EXT2: variants seen among roughly 807,000 people sequenced by gnomAD.
The protein encoded by EXT2 is exostosin-2.
In EXT2, 53 loss-of-function variants were observed where a neutral mutation model predicts 81.6. The ratio of observed to expected loss-of-function variants is 0.65; its 90% CI spans 0.52 to 0.82. The LOEUF is 0.82. Ranked by LOEUF, EXT2 falls within the 40% of genes least tolerant of loss-of-function variation. EXT2 has a pLI of 0.00. For synonymous variants in EXT2, 320 were observed against 340.0 expected, an observed-to-expected ratio of 0.94 and a Z score of 0.65; for missense variants, 774 against 910.2, an observed-to-expected ratio of 0.85 and a Z score of 1.93.
intron 9 of EXT2, among the ~76,000 whole-genome samples, chr11:44,203,515 T>C (rs898179709): frequency 1.3e-5 from 2 of 152,164 alleles, no homozygotes; most frequent in Non-Finnish European, 2.9e-5. Flanking sequence ...GCTGGGAAAC[T>C]GGCTAGGGCT....
At chr11:44,148,476 T>C (rs980883988) in intron 7 of EXT2, among the ~76,000 whole-genome samples, 4 of 152,146 alleles carry the variant, frequency 2.6e-5, no homozygotes, top group African/African-American at 9.7e-5. Flanking sequence ...TGCAGCACCA[T>C]AGCCCAGCAC....
chr11:44,231,292 CTGAGTCTTA>C (rs1008692165), intron 10 of EXT2, among the ~76,000 whole-genome samples: 1 of 152,110 alleles, frequency 6.6e-6, no homozygotes, highest in African/African-American at 2.4e-5. Flanking sequence ...GGAATAAAGA[CTGAGTCTTA>C]GCTTTTGGGT....
At position 44,245,506 on chromosome 11, in the gene EXT2, G is replaced by A. The variant is rs117203434; in HGVS notation, c.*1219G>A. On this transcript the variant is annotated 3_prime_UTR_variant, in exon 14 of 14. Transcript: ENST00000533608. ...GGCGAATGTTAAATGTTATGGATTCGAAACAGATTTATCTGGCTCTGATAT... is the reference window on the plus strand; with the variant it reads ...GGCGAATGTTAAATGTTATGGATTCAAAACAGATTTATCTGGCTCTGATAT... 1,412 of 179,148 alleles carry A rather than the reference G, an allele frequency of 7.9e-3. 49 individuals are homozygous for A. The highest frequency in any genetic ancestry group is 0.076 in the East Asian group (820 of 10,754). The allele number at this position is 179,148 out of a possible 1,614,324, so 11.1% of individuals were successfully genotyped here.
At chr11:44,128,676 A>G (rs1954444861) in intron 6 of EXT2, among the ~76,000 whole-genome samples, 1 of 152,136 alleles carries the variant, frequency 6.6e-6, no homozygotes, top group Non-Finnish European at 1.5e-5. Flanking sequence ...CCAAAAGGGT[A>G]TTTCTATGAG....
intron 4 of EXT2, among the ~76,000 whole-genome samples, chr11:44,119,704 A>G (rs930064566): frequency 3.3e-5 from 5 of 152,354 alleles, no homozygotes; most frequent in African/African-American, 9.6e-5. Flanking sequence ...GATGACAGCC[A>G]AAGACCAAAC....
chr11:44,169,117 G>A (rs189087750), intron 7 of EXT2, among the ~76,000 whole-genome samples: 1 of 152,238 alleles, frequency 6.6e-6, no homozygotes, highest in Admixed American at 6.5e-5. Context: ...CTACTCAGGA[G>A]GCTGAGGCAG....
rs1955676963 is a variant in EXT2 at position 44,213,453 on chromosome 11, C to G, written c.1662+6494C>G. On this transcript the variant is annotated intron_variant, in intron 10 of 13. Coordinates refer to ENST00000533608, the MANE Select transcript of EXT2 (RefSeq NM_207122.2). The stretch of plus-strand genomic sequence containing the variant: ...CTGGTAAAGATTTTTAAAAGGTTAT[C>G]ACAAAAAAAGCCTCTAATAAGCAAT... 2.6e-5 allele frequency among the ~76,000 whole-genome samples: 4 copies of G among 152,012 alleles called. 1 individual carries two copies. The highest frequency in any genetic ancestry group is 2.6e-4 in the Admixed American group (4 of 15,280).
At chr11:44,171,519 A>G (rs1955073003) in intron 7 of EXT2, 92 bp from the exon 8 acceptor site, 4 of 1,597,098 alleles carry the variant, frequency 2.5e-6, no homozygotes, top group East Asian at 2.2e-5. Flanking sequence ...GAATAAAGGA[A>G]TTAGCCTAAC....
chr11:44,099,454 G>A (rs1021712541), intron 1 of EXT2, among the ~76,000 whole-genome samples: 1 of 152,026 alleles, frequency 6.6e-6, no homozygotes, highest in Non-Finnish European at 1.5e-5. Flanking sequence ...CAAAGTGCTG[G>A]GATTACAGGT....
At chr11:44,100,021 G>A (rs1164071504) in intron 1 of EXT2, among the ~76,000 whole-genome samples, 2 of 152,178 alleles carry the variant, frequency 1.3e-5, no homozygotes. Flanking sequence ...CCAGTGCGGG[G>A]TGGGCTTTGG....
intron 11 of EXT2, 62 bp downstream of exon 11, chr11:44,232,558 C>G: frequency 6.3e-7 from 1 of 1,599,144 alleles, no homozygotes; most frequent in Non-Finnish European, 8.5e-7. Context: ...TTTTATTTGA[C>G]CCAATTTAAT....
At chr11:44,137,729 T>C (rs1954591081) in intron 7 of EXT2, among the ~76,000 whole-genome samples, 1 of 152,232 alleles carries the variant, frequency 6.6e-6, no homozygotes. Flanking sequence ...TGGTGACTTT[T>C]CTAAGAGTAG....
At chr11:44,226,289 G>A (rs1048031907) in intron 10 of EXT2, among the ~76,000 whole-genome samples, 6 of 152,200 alleles carry the variant, frequency 3.9e-5, no homozygotes, top group African/African-American at 1.4e-4. Context: ...CCTGGGGTTG[G>A]GAAGGTCTCT....
intron 7 of EXT2, among the ~76,000 whole-genome samples, chr11:44,156,936 A>G (rs902160735): frequency 1.3e-5 from 2 of 152,190 alleles, no homozygotes; most frequent in Non-Finnish European, 2.9e-5. Flanking sequence ...GCCGTTCTGC[A>G]TTGGGGGCAG....
intron 10 of EXT2, among the ~76,000 whole-genome samples, chr11:44,230,277 G>T (rs1298340746): frequency 6.6e-6 from 1 of 152,140 alleles, no homozygotes; most frequent in Non-Finnish European, 1.5e-5. Flanking sequence ...AGAGTGAGGG[G>T]ACATGGTGAG....
chr11:44,123,473 C>T (rs1016269443), intron 4 of EXT2, among the ~76,000 whole-genome samples: 7 of 152,172 alleles, frequency 4.6e-5, no homozygotes, highest in Admixed American at 3.3e-4. Context: ...AACATGCTTT[C>T]TGTGATTCTT....
chr11:44,126,628 A>G lies in EXT2; in HGVS notation c.940-188A>G, dbSNP rs79353569. Among the ~76,000 whole-genome samples the G allele has an allele frequency of 1.5e-3, 226 of 152,354 alleles. 1 individual carries two copies. The highest frequency in any genetic ancestry group is 5.3e-3 in the African/African-American group (220 of 41,570). ...ACTGAAGAGTAGAAATATTAATACA[A>G]AACATTGCAGCCATTTAAACTTTTC... On this transcript the variant is annotated intron_variant, in intron 5 of 13. Transcript: ENST00000533608.
chr11:44,101,887 A>G (rs948051490), intron 1 of EXT2, among the ~76,000 whole-genome samples: 1 of 151,750 alleles, frequency 6.6e-6, no homozygotes, highest in Non-Finnish European at 1.5e-5. Flanking sequence ...TGCGAATAGA[A>G]CATGGTGTTT....
intron 1 of EXT2, among the ~76,000 whole-genome samples, chr11:44,106,607 T>C (rs951018063): frequency 2.6e-5 from 4 of 152,160 alleles, no homozygotes; most frequent in Admixed American, 1.3e-4. Context: ...TCAATAATGG[T>C]TTGAATGAAT....
Sources: allele counts gnomAD v4.1 joint callset (sites outside exome capture counted in the v4.1 genomes callset), GRCh38; gene constraint gnomAD v4.1.1; transcripts MANE v1.5; gene names NCBI Gene and HGNC (gene_info 2026-07-23, HGNC 2026-07-21).